Variants in TRIM24 observed in about 807,000 individuals in gnomAD.
The protein encoded by TRIM24 is transcription intermediary factor 1-alpha.
Under a neutral mutation model 123.9 loss-of-function variants are expected in TRIM24, and 29 were observed. The observed-to-expected ratio is 0.23, with a 90% CI of 0.17 to 0.32. The LOEUF is 0.32. Ranked by LOEUF, TRIM24 falls within the 10% of genes least tolerant of loss-of-function variation. TRIM24 has a pLI of 1.00. For missense variants in TRIM24, 932 were observed against 1,295.3 expected (o/e 0.72, Z 4.31); for synonymous variants, 456 against 461.1 (o/e 0.99, Z 0.14).
chr7:138,563,999 C>T (rs191415782), intron 9 of TRIM24, among the ~76,000 whole-genome samples: 15 of 152,306 alleles, frequency 9.8e-5, no homozygotes, highest in African/African-American at 2.2e-4. Flanking sequence ...CTGGATTACC[C>T]TCCAGCACTC....
chr7:138,539,736 T>C (rs994299885), intron 7 of TRIM24, among the ~76,000 whole-genome samples: 2 of 151,956 alleles, frequency 1.3e-5, no homozygotes, highest in African/African-American at 2.4e-5. Context: ...ATAAATACTG[T>C]AGTGTAACTG....
At chr7:138,531,268 TTACATGTGTTACATATGTA>T (rs1796734125) in intron 6 of TRIM24, among the ~76,000 whole-genome samples, 1 of 148,392 alleles carries the variant, frequency 6.7e-6, no homozygotes, top group Admixed American at 6.6e-5. Context: ...TTACATATGT[TTACATGTGTTACATATGTA>T]TACATGTGCC....
chr7:138,569,820 A>G (rs558180592), intron 10 of TRIM24, among the ~76,000 whole-genome samples: 1 of 152,326 alleles, frequency 6.6e-6, no homozygotes, highest in South Asian at 2.1e-4. Flanking sequence ...ACACTTAGTT[A>G]CTTTCCTTCT....
chr7:138,533,139 T>C (rs1796784171), intron 6 of TRIM24, among the ~76,000 whole-genome samples: 1 of 152,254 alleles, frequency 6.6e-6, no homozygotes, highest in African/African-American at 2.4e-5. Context: ...TTTCTAAATA[T>C]ACAATCATGT....
intron 4 of TRIM24, among the ~76,000 whole-genome samples, chr7:138,520,065 T>G (rs1193812950): frequency 6.6e-6 from 1 of 152,160 alleles, no homozygotes; most frequent in Non-Finnish European, 1.5e-5. Context: ...GAGCAAATAG[T>G]AAAGCATTAT....
chr7:138,465,192 A>G (rs1419566464), intron 1 of TRIM24, among the ~76,000 whole-genome samples: 1 of 152,248 alleles, frequency 6.6e-6, no homozygotes, highest in Non-Finnish European at 1.5e-5. Flanking sequence ...ACTTCGGTTT[A>G]ACTGTCCTTT....
At chr7:138,467,063 A>C (rs1258168033) in intron 1 of TRIM24, among the ~76,000 whole-genome samples, 1 of 152,192 alleles carries the variant, frequency 6.6e-6, no homozygotes, top group Admixed American at 6.5e-5. Context: ...TGGCATTTTT[A>C]TACAAAAATC....
intron 4 of TRIM24, among the ~76,000 whole-genome samples, chr7:138,524,446 A>T (rs546103482): frequency 9.2e-5 from 14 of 152,174 alleles, no homozygotes; most frequent in Non-Finnish European, 2.1e-4. Context: ...CACAGATATG[A>T]TTATATACTA....
At chr7:138,505,363 CT>C in intron 2 of TRIM24, among the ~76,000 whole-genome samples, 2 of 152,182 alleles carry the variant, frequency 1.3e-5, no homozygotes, top group Middle Eastern at 3.4e-3. Flanking sequence ...CAGTTTTTCA[CT>C]TTTTTTCTAT....
chr7:138,470,939 T>G (rs1584683579), intron 1 of TRIM24, among the ~76,000 whole-genome samples: 1 of 152,232 alleles, frequency 6.6e-6, no homozygotes, highest in African/African-American at 2.4e-5. Context: ...AGTCTTATTT[T>G]CAGTTATGAT....
chr7:138,513,251 C>T (rs1228553041), intron 2 of TRIM24, among the ~76,000 whole-genome samples: 1 of 152,182 alleles, frequency 6.6e-6, no homozygotes, highest in Non-Finnish European at 1.5e-5. Flanking sequence ...TTCTCACCTT[C>T]CTGCCTTCTT....
intron 1 of TRIM24, among the ~76,000 whole-genome samples, chr7:138,501,235 A>T (rs970326943): frequency 2.0e-5 from 3 of 151,898 alleles, no homozygotes; most frequent in Non-Finnish European, 2.9e-5. Flanking sequence ...TTTTATTTTT[A>T]TTTATTTATT....
intron 1 of TRIM24, among the ~76,000 whole-genome samples, chr7:138,499,959 T>C (rs541513832): frequency 6.6e-6 from 1 of 152,274 alleles, no homozygotes; most frequent in South Asian, 2.1e-4. Context: ...GTTATATATA[T>C]CCTCTCCCTT....
intron 9 of TRIM24, among the ~76,000 whole-genome samples, chr7:138,564,632 C>T (rs1797497511): frequency 6.6e-6 from 1 of 152,224 alleles, no homozygotes; most frequent in Non-Finnish European, 1.5e-5. Flanking sequence ...TACATTTAGC[C>T]ATGAGTCAAT....
intron 8 of TRIM24, among the ~76,000 whole-genome samples, chr7:138,553,611 G>A (rs887227235): frequency 1.3e-5 from 2 of 152,136 alleles, no homozygotes; most frequent in African/African-American, 4.8e-5. Flanking sequence ...GTATCAAAAA[G>A]TTAACATAGT....
At chr7:138,467,128 A>G (rs1041446894) in intron 1 of TRIM24, among the ~76,000 whole-genome samples, 1 of 152,136 alleles carries the variant, frequency 6.6e-6, no homozygotes, top group African/African-American at 2.4e-5. Context: ...CTAATACATA[A>G]TGTTTTTTGA....
chr7:138,491,886 A>AT (rs1055414521), intron 1 of TRIM24, among the ~76,000 whole-genome samples: 5 of 150,750 alleles, frequency 3.3e-5, no homozygotes, highest in Admixed American at 2.0e-4. Flanking sequence ...TGGTAATCTC[A>AT]TTGTGGTTTT....
At chr7:138,576,327 ATAAT>A (rs761057317) in intron 12 of TRIM24, 42 bp from the exon 13 acceptor site, 11 of 1,556,800 alleles carry the variant, frequency 7.1e-6, no homozygotes, top group Admixed American at 1.7e-5. Flanking sequence ...ACTTCAATGC[ATAAT>A]TATTCATTCG....
At chr7:138,561,980 G>A (rs1027411862) in intron 9 of TRIM24, among the ~76,000 whole-genome samples, 6 of 152,252 alleles carry the variant, frequency 3.9e-5, no homozygotes, top group Non-Finnish European at 8.8e-5. Flanking sequence ...AGTGGGGAGT[G>A]CACAAACAGC....
Sources: gnomAD v4.1 joint callset for allele counts (sites outside exome capture counted in the v4.1 genomes callset) on GRCh38, gnomAD v4.1.1 for gene constraint, MANE v1.5 for transcripts, NCBI Gene and HGNC (gene_info 2026-07-23, HGNC 2026-07-21) for gene names.